The following HECTD2 variants were observed in gnomAD, a reference collection of about 807,000 sequenced individuals.
HECTD2 encodes the protein HECT domain E3 ubiquitin protein ligase 2.
In HECTD2, 35 loss-of-function variants were observed where a neutral mutation model predicts 103.2. That is an observed-to-expected ratio of 0.34 (90% CI 0.26 to 0.45). The LOEUF is 0.45. Ranked by LOEUF, HECTD2 falls within the 20% of genes least tolerant of loss-of-function variation. The pLI, the probability that HECTD2 is intolerant of heterozygous loss-of-function variation, is 1.00. For missense variants in HECTD2, 596 were observed against 937.4 expected (o/e 0.64, Z 4.76); for synonymous variants, 281 against 329.9 (o/e 0.85, Z 1.61).
intron 2 of HECTD2, among the ~76,000 whole-genome samples, chr10:91,449,261 C>T (rs565605770): frequency 4.6e-5 from 7 of 152,144 alleles, no homozygotes; most frequent in Non-Finnish European, 8.8e-5. Context: ...AATCAATAAA[C>T]GTAATCCATT....
intron 1 of HECTD2, among the ~76,000 whole-genome samples, chr10:91,422,932 G>A (rs540731332): frequency 1.3e-5 from 2 of 152,118 alleles, no homozygotes; most frequent in African/African-American, 2.4e-5. Flanking sequence ...AAGGAAGGGG[G>A]AAGAAAAGAA....
intron 2 of HECTD2, among the ~76,000 whole-genome samples, chr10:91,451,019 C>G (rs529976014): frequency 6.6e-6 from 1 of 151,056 alleles, no homozygotes; most frequent in South Asian, 2.1e-4. Context: ...GGGTTTTATC[C>G]TTTTACCACC....
chr10:91,494,423 G>T (rs1431809728), intron 14 of HECTD2, among the ~76,000 whole-genome samples: 1 of 152,048 alleles, frequency 6.6e-6, no homozygotes, highest in Admixed American at 6.6e-5. Context: ...ATTGTGCTGG[G>T]CTTGGTAGAG....
At chr10:91,409,748 G>A (rs369694891), upstream of HECTD2, among the ~76,000 whole-genome samples, 2 of 152,138 alleles carry the variant, frequency 1.3e-5, no homozygotes, top group Non-Finnish European at 2.9e-5. Context: ...CGCAAGCTCC[G>A]GGCCGCCTCT....
At chr10:91,460,613 C>G (rs1845306711) in intron 3 of HECTD2, 48 bp downstream of exon 3, 1 of 1,521,798 alleles carries the variant, frequency 6.6e-7, no homozygotes, top group African/African-American at 1.4e-5. Flanking sequence ...TGCATGTCAG[C>G]ACTTTACATA....
At chr10:91,418,687 AAG>A (rs2132994170) in intron 1 of HECTD2, among the ~76,000 whole-genome samples, 1 of 152,284 alleles carries the variant, frequency 6.6e-6, no homozygotes, top group South Asian at 2.1e-4. Flanking sequence ...ACCATACAAA[AAG>A]AGAAACAAAA....
At position 91,496,208 on chromosome 10, in the gene HECTD2, G is replaced by A; in HGVS notation, c.1522-6G>A. 6.3e-7 allele frequency: 1 copy of A among 1,599,072 alleles called. No homozygotes were observed. Among genetic ancestry groups the A allele is most frequent in the Non-Finnish European group, 8.5e-7 (1 of 1,170,814 alleles). ...TATGTTAATGCTTAACATTTAGTATGCATAGCTTATGGGACTAGCTGTTTA... is the reference window on the plus strand; with the variant it reads ...TATGTTAATGCTTAACATTTAGTATACATAGCTTATGGGACTAGCTGTTTA... On this transcript the variant is annotated splice_polypyrimidine_tract_variant and splice_region_variant and intron_variant, in intron 14 of 20. Transcript: ENST00000298068.
chr10:91,457,759 T>C (rs908916773), intron 2 of HECTD2, among the ~76,000 whole-genome samples: 2 of 152,060 alleles, frequency 1.3e-5, no homozygotes, highest in African/African-American at 4.8e-5. Flanking sequence ...GGATGTCTGC[T>C]CTCAGCACTC....
chr10:91,433,212 T>G lies in HECTD2; in HGVS notation c.268+7802T>G, dbSNP rs569792018. Reference sequence around the variant, plus strand: ...TTAACTGTTCCTATGGGAAGAGTTATTTTTTCTTTTTTATATTAAAGATAA... The same window carrying G: ...TTAACTGTTCCTATGGGAAGAGTTAGTTTTTCTTTTTTATATTAAAGATAA... On this transcript the variant is annotated intron_variant, in intron 2 of 20. Coordinates refer to ENST00000298068, the MANE Select transcript of HECTD2 (RefSeq NM_182765.6). Among the ~76,000 whole-genome samples, 15 of 152,088 alleles carry G rather than the reference T, an allele frequency of 9.9e-5. No individual in the cohort carries two copies. The East Asian group carries it at 2.7e-3, about 28-fold the overall frequency.
At chr10:91,435,887 A>AT (rs1356485865) in intron 2 of HECTD2, among the ~76,000 whole-genome samples, 1 of 151,362 alleles carries the variant, frequency 6.6e-6, no homozygotes, top group Non-Finnish European at 1.5e-5. Flanking sequence ...TGGACTCCTA[A>AT]TTTTCTTTTT....
intron 20 of HECTD2, among the ~76,000 whole-genome samples, chr10:91,511,673 C>T (rs1418255258): frequency 6.6e-6 from 1 of 152,054 alleles, no homozygotes; most frequent in Non-Finnish European, 1.5e-5. Context: ...GTGCAGTTCA[C>T]AATAGGGTCC....
chr10:91,498,175 C>T lies in HECTD2; in HGVS notation c.1748C>T (p.Thr583Ile). 6.2e-7 allele frequency: 1 copy of T among 1,604,556 alleles called. No individual in the cohort carries two copies. The highest frequency in any genetic ancestry group is 8.5e-7 in the Non-Finnish European group (1 of 1,171,518). Residue 583 changes from threonine (T) to isoleucine (I), a missense_variant, in exon 16 of 21, where the codon ACA (threonine) becomes ATA (isoleucine). This residue lies in a region of HECTD2 where 303 missense variants were observed against 522.5 expected (regional missense o/e 0.58). Coordinates refer to ENST00000298068, the MANE Select transcript of HECTD2 (RefSeq NM_182765.6). ...EGNVEEDFYS[T>I]FQVFQEEFGI... ...AATGTTGAAGAAGATTTCTATTCAA[C>T]ATTTCAGGTACTATTAAGGGCAAGT...
intron 20 of HECTD2, among the ~76,000 whole-genome samples, chr10:91,503,575 TA>T (rs1280965631): frequency 1.3e-5 from 2 of 152,258 alleles, no homozygotes; most frequent in Non-Finnish European, 2.9e-5. Context: ...CCGACGGGCT[TA>T]AAAAACGGTG....
intron 5 of HECTD2, among the ~76,000 whole-genome samples, chr10:91,472,827 AC>A (rs1257419369): frequency 6.6e-6 from 1 of 152,224 alleles, no homozygotes; most frequent in Non-Finnish European, 1.5e-5. Context: ...TACCTTTGAT[AC>A]CAAATAAATT....
At chr10:91,484,051 A>C (rs957404857) in intron 8 of HECTD2, 6 of 349,824 alleles carry the variant, frequency 1.7e-5, no homozygotes, top group Non-Finnish European at 3.1e-5. Context: ...AATGGATTGC[A>C]TAAAGGACAC....
chr10:91,497,126 A>ATTTTTTT (rs56923120), intron 15 of HECTD2, among the ~76,000 whole-genome samples: 3 of 97,368 alleles, frequency 3.1e-5, no homozygotes, highest in African/African-American at 5.2e-5. Flanking sequence ...TGCCCGGCAA[A>ATTTTTTT]TTTTTTTTTT....
intron 2 of HECTD2, among the ~76,000 whole-genome samples, chr10:91,451,911 A>AT (rs1844847715): frequency 1.3e-5 from 2 of 152,120 alleles, no homozygotes. Flanking sequence ...CTATATATGT[A>AT]TATTTCATTA....
intron 2 of HECTD2, among the ~76,000 whole-genome samples, chr10:91,451,130 G>A (rs7899549): frequency 0.067 from 10,194 of 152,128 alleles, 914 homozygotes; most frequent in African/African-American, 0.2. Flanking sequence ...CCAAATGCCC[G>A]TCAATGATAG....
chr10:91,508,260 A>G (rs1483461802), intron 20 of HECTD2, among the ~76,000 whole-genome samples: 3 of 131,930 alleles, frequency 2.3e-5, no homozygotes, highest in Admixed American at 7.5e-5. Flanking sequence ...ACAAAAGACA[A>G]AATTGACAAA....
Sources: gnomAD v4.1 joint callset for allele counts (sites outside exome capture counted in the v4.1 genomes callset) on GRCh38, gnomAD v4.1.1 for gene constraint, gnomAD v4.1.1 regional missense constraint, MANE v1.5 for transcripts, NCBI Gene and HGNC (gene_info 2026-07-23, HGNC 2026-07-21) for gene names.